The following ATG7 variants were observed in gnomAD, a reference collection of about 807,000 sequenced individuals.
ATG7 encodes the protein ubiquitin-like modifier-activating enzyme ATG7.
ATG7 carries 70 observed loss-of-function variants against 82.4 expected under a neutral mutation model. The observed-to-expected ratio is 0.85, with a 90% confidence interval of 0.70 to 1.04. The LOEUF is 1.04. Ranked by LOEUF, ATG7 falls within the 50% of genes least tolerant of loss-of-function variation. The pLI is 0.00. For synonymous variants in ATG7, 287 were observed against 313.0 expected, an observed-to-expected ratio of 0.92 and a Z score of 0.88; for missense variants, 792 against 864.3, an observed-to-expected ratio of 0.92 and a Z score of 1.05.
At chr3:11,360,115 G>A (rs550087136) in intron 15 of ATG7, among the ~76,000 whole-genome samples, 10 of 152,204 alleles carry the variant, frequency 6.6e-5, no homozygotes, top group Middle Eastern at 3.4e-3. Context: ...GCGGAATCTC[G>A]GCTCACTGCA....
At chr3:11,334,831 G>A (rs1035797848) in intron 11 of ATG7, among the ~76,000 whole-genome samples, 4 of 151,512 alleles carry the variant, frequency 2.6e-5, no homozygotes, top group African/African-American at 4.9e-5. Context: ...GGTGGCGGGC[G>A]TCTGTAATCC....
At chr3:11,425,798 C>G (rs1260029129) in intron 19 of ATG7, among the ~76,000 whole-genome samples, 1 of 152,106 alleles carries the variant, frequency 6.6e-6, no homozygotes, top group Non-Finnish European at 1.5e-5. Flanking sequence ...TGGAATGTCC[C>G]TTGTGCCCCT....
chr3:11,465,622 G>T (rs1354889566), intron 20 of ATG7, among the ~76,000 whole-genome samples: 1 of 151,774 alleles, frequency 6.6e-6, no homozygotes, highest in African/African-American at 2.4e-5. Context: ...AAAATTAGCT[G>T]GGCGTGGTGG....
intron 20 of ATG7, among the ~76,000 whole-genome samples, chr3:11,476,502 A>T (rs915470806): frequency 1.3e-5 from 2 of 149,564 alleles, no homozygotes; most frequent in Non-Finnish European, 3.0e-5. Flanking sequence ...AGAACCTTGT[A>T]TCAGAATATA....
the ATG7 span, among the ~76,000 whole-genome samples, chr3:11,571,519 AC>A: frequency 6.6e-6 from 1 of 151,966 alleles, no homozygotes; most frequent in Non-Finnish European, 1.5e-5. Context: ...CCCCGTCTCT[AC>A]AAAAAATACA....
intron 9 of ATG7, among the ~76,000 whole-genome samples, chr3:11,324,900 C>G (rs1311008878): frequency 6.6e-6 from 1 of 152,148 alleles, no homozygotes; most frequent in East Asian, 1.9e-4. Flanking sequence ...AGACAGCTAA[C>G]TATGTACAGT....
Position 11,504,276 on chromosome 3 carries a change from A to G in ATG7, c.2080-50535A>G, listed in dbSNP as rs527639912. Reference sequence around the variant, plus strand: ...CAAACAATAAAGGGAAATTATATCTAATCTACAAGTCTGTATCAAGCCAAA... The same window carrying G: ...CAAACAATAAAGGGAAATTATATCTGATCTACAAGTCTGTATCAAGCCAAA... On this transcript the variant is annotated intron_variant, in intron 20 of 20. Transcript: ENST00000693202. Among the ~76,000 whole-genome samples the G allele has an allele frequency of 2.0e-4, 30 of 152,350 alleles. No individual in the cohort carries two copies. The South Asian group carries it at 5.8e-3, about 29-fold the overall frequency.
chr3:11,277,394 G>A (rs1942041529), intron 1 of ATG7: 1 of 152,280 alleles, frequency 6.6e-6, no homozygotes, highest in African/African-American at 2.4e-5. Context: ...AACTCTATCA[G>A]GGGAACCTGC....
chr3:11,306,938 T>C lies in ATG7; in HGVS notation c.216-5T>C. On this transcript the variant is annotated splice_region_variant and splice_polypyrimidine_tract_variant and intron_variant, in intron 5 of 20. Coordinates refer to ENST00000693202, the MANE Select transcript of ATG7 (RefSeq NM_001349232.2). ...CCTGACTAACCGTGTTTCTCTTGTA[T>C]CTAGGAGTGCTCCCACCCCAGCCCG... 1 of 1,612,250 alleles carries C rather than the reference T, an allele frequency of 6.2e-7. No individual in the cohort carries two copies. Among genetic ancestry groups the C allele is most frequent in the Non-Finnish European group, 8.5e-7 (1 of 1,178,404 alleles).
intron 4 of ATG7, chr3:11,299,103 T>A: frequency 1.7e-6 from 1 of 601,716 alleles, no homozygotes; most frequent in Admixed American, 3.1e-5. Flanking sequence ...TACTTAGCAT[T>A]GCTGTGGGAA....
At chr3:11,561,934 C>CTTGTCGTCCAGGCTGGAGTGCAT (rs1447244860), downstream of ATG7, among the ~76,000 whole-genome samples, 1 of 137,346 alleles carries the variant, frequency 7.3e-6, no homozygotes, top group African/African-American at 2.7e-5. Flanking sequence ...AAGTCTCACT[C>CTTGTCGTCCAGGCTGGAGTGCAT]TGTCGTCCAG....
chr3:11,397,044 C>T (rs534131389), intron 19 of ATG7, among the ~76,000 whole-genome samples: 1 of 152,060 alleles, frequency 6.6e-6, no homozygotes, highest in South Asian at 2.1e-4. Flanking sequence ...GTACAAGATA[C>T]AAAGCACAAG....
chr3:11,297,969 G>A (rs1053554473), intron 3 of ATG7, among the ~76,000 whole-genome samples: 1 of 152,124 alleles, frequency 6.6e-6, no homozygotes, highest in Non-Finnish European at 1.5e-5. Flanking sequence ...GGCCGCAAAG[G>A]TTACTTAGAA....
intron 20 of ATG7, among the ~76,000 whole-genome samples, chr3:11,481,134 T>G (rs115264586): frequency 2.1e-4 from 32 of 152,370 alleles, no homozygotes; most frequent in African/African-American, 7.2e-4. Flanking sequence ...ATGTGCTTTG[T>G]GCAGAGCACT....
chr3:11,349,260 AG>A (rs1955089151), intron 14 of ATG7, among the ~76,000 whole-genome samples: 1 of 152,144 alleles, frequency 6.6e-6, no homozygotes, highest in Non-Finnish European at 1.5e-5. Flanking sequence ...CACTCAACCC[AG>A]GAAGTCCAGC....
intron 3 of ATG7, among the ~76,000 whole-genome samples, chr3:11,289,718 C>T (rs559432818): frequency 2.0e-5 from 3 of 152,184 alleles, no homozygotes; most frequent in East Asian, 1.9e-4. Flanking sequence ...CTGCAATGCC[C>T]GGCAAATTTT....
In ATG7 at chr3:11,308,760, C is replaced by T. The variant is rs1948169273; in HGVS notation, c.334-224C>T. 1.0e-5 allele frequency: 6 copies of T among 578,426 alleles called. No homozygotes were observed. In the South Asian group the frequency reaches 1.2e-4, roughly 12 times the overall value. The allele number at this position is 578,426 out of a possible 1,614,324, so 35.8% of individuals were successfully genotyped here. On this transcript the variant is annotated intron_variant, in intron 6 of 20. Transcript: ENST00000693202. ...TGCTGAGATCTGCTGAGAGGAGGCG[C>T]CTGGGTTCCCTCACTTGGCTTAGAT...
At chr3:11,304,897 A>G (rs1246329817) in intron 5 of ATG7, among the ~76,000 whole-genome samples, 2 of 152,190 alleles carry the variant, frequency 1.3e-5, no homozygotes, top group African/African-American at 4.8e-5. Context: ...TTAAAGGGGT[A>G]CGATTCAGTG....
At chr3:11,486,666 C>T (rs1198584382) in intron 20 of ATG7, among the ~76,000 whole-genome samples, 1 of 152,000 alleles carries the variant, frequency 6.6e-6, no homozygotes, top group Non-Finnish European at 1.5e-5. Context: ...ATGATATTGG[C>T]TGTGGGTCTG....
Sources: gnomAD v4.1 joint callset for allele counts (sites outside exome capture counted in the v4.1 genomes callset) on GRCh38, gnomAD v4.1.1 for gene constraint, MANE v1.5 for transcripts, NCBI Gene and HGNC (gene_info 2026-07-23, HGNC 2026-07-21) for gene names.